OSBPL10: variants seen among roughly 807,000 people sequenced by gnomAD.
The protein encoded by OSBPL10 is oxysterol binding protein like 10.
A neutral mutation model predicts 81.7 loss-of-function variants in OSBPL10; 49 were observed. That is an observed-to-expected ratio of 0.60 (90% CI 0.48 to 0.76). The LOEUF is 0.76. Among genes scored for constraint, OSBPL10 ranks in the 30% least tolerant of loss-of-function variants. The pLI is 0.00. For missense variants in OSBPL10, 923 were observed against 987.8 expected, an observed-to-expected ratio of 0.93 and a Z score of 0.88; for synonymous variants, 419 against 383.6, an observed-to-expected ratio of 1.09 and a Z score of -1.08.
chr3:31,781,614 T>C (rs1422836997), intron 4 of OSBPL10, among the ~76,000 whole-genome samples: 1 of 152,196 alleles, frequency 6.6e-6, no homozygotes, highest in African/African-American at 2.4e-5. Flanking sequence ...AGTTTCAGGA[T>C]ACAAAATCAA....
At chr3:32,012,203 G>GT (rs1187150956) in intron 2 of OSBPL10, among the ~76,000 whole-genome samples, 1 of 152,120 alleles carries the variant, frequency 6.6e-6, no homozygotes, top group African/African-American at 2.4e-5. Flanking sequence ...GAAAGGTCGG[G>GT]TTACCACAAA....
At chr3:31,846,651 TAAATAA>T (rs1371671265) in intron 3 of OSBPL10, among the ~76,000 whole-genome samples, 11 of 151,594 alleles carry the variant, frequency 7.3e-5, no homozygotes, top group Non-Finnish European at 1.5e-4. Flanking sequence ...AATAAATAAA[TAAATAA>T]ATAAATAAAT....
intron 6 of OSBPL10, among the ~76,000 whole-genome samples, chr3:31,715,783 G>C (rs1326316083): frequency 6.6e-6 from 1 of 152,176 alleles, no homozygotes; most frequent in Admixed American, 6.5e-5. Flanking sequence ...ATCCACAGTT[G>C]AAATCATTAT....
chr3:31,982,148 C>A (rs1249113809), upstream of OSBPL10, among the ~76,000 whole-genome samples: 1 of 152,146 alleles, frequency 6.6e-6, no homozygotes, highest in African/African-American at 2.4e-5. Context: ...GCTCTGAAAC[C>A]GGGAAAACTG....
At chr3:31,863,053 C>A (rs1300573655) in intron 3 of OSBPL10, among the ~76,000 whole-genome samples, 1 of 152,102 alleles carries the variant, frequency 6.6e-6, no homozygotes, top group Non-Finnish European at 1.5e-5. Context: ...AAAATTATGC[C>A]ATGTCCATAC....
intron 4 of OSBPL10, among the ~76,000 whole-genome samples, chr3:31,815,751 AT>A: frequency 6.6e-6 from 1 of 152,314 alleles, no homozygotes; most frequent in Non-Finnish European, 1.5e-5. Flanking sequence ...AAAACCAAGA[AT>A]AAGATCACAA....
intron 2 of OSBPL10, among the ~76,000 whole-genome samples, chr3:32,034,142 G>A (rs531354401): frequency 2.4e-4 from 36 of 152,178 alleles, no homozygotes; most frequent in Admixed American, 6.5e-4. Flanking sequence ...AACGGCATAG[G>A]GGAAACTGCC....
chr3:31,790,048 T>C (rs1049058681), intron 4 of OSBPL10, among the ~76,000 whole-genome samples: 1 of 152,176 alleles, frequency 6.6e-6, no homozygotes, highest in Non-Finnish European at 1.5e-5. Flanking sequence ...TCCCACCATA[T>C]GAATATTCCT....
At chr3:31,749,879 C>T (rs1697657769) in intron 4 of OSBPL10, among the ~76,000 whole-genome samples, 1 of 151,862 alleles carries the variant, frequency 6.6e-6, no homozygotes, top group African/African-American at 2.4e-5. Context: ...CAAACCACTT[C>T]ATTTAAAATT....
chr3:31,775,498 G>A (rs1698524877), intron 4 of OSBPL10, among the ~76,000 whole-genome samples: 2 of 96,284 alleles, frequency 2.1e-5, no homozygotes, highest in East Asian at 5.3e-4. Context: ...TGAAGGAGTT[G>A]AAATTTTTAG....
At chr3:31,707,238 G>A (rs1447481746) in intron 6 of OSBPL10, 1 of 152,220 alleles carries the variant, frequency 6.6e-6, no homozygotes, top group East Asian at 1.9e-4. Flanking sequence ...GCAGGGGCAA[G>A]AGGGTCTACT....
At chr3:31,951,644 CTATT>C (rs1437775617) in intron 1 of OSBPL10, among the ~76,000 whole-genome samples, 2 of 150,638 alleles carry the variant, frequency 1.3e-5, no homozygotes, top group Non-Finnish European at 3.0e-5. Flanking sequence ...TAGAAAAAAG[CTATT>C]TAGATCATTT....
intron 1 of OSBPL10, among the ~76,000 whole-genome samples, chr3:31,922,140 A>C (rs4428223): frequency 0.36 from 55,021 of 152,000 alleles, 11,766 homozygotes; most frequent in Non-Finnish European, 0.49. Context: ...AAGGGATCCT[A>C]GAACAGAAAA....
chr3:31,991,162 T>A, intron 2 of OSBPL10: 2 of 684,682 alleles, frequency 2.9e-6, no homozygotes, highest in South Asian at 4.1e-5. Context: ...TTAAGAGGAT[T>A]GGGCTGGGCA....
chr3:31,673,748 T>G (rs1700383758), intron 8 of OSBPL10, among the ~76,000 whole-genome samples: 1 of 152,154 alleles, frequency 6.6e-6, no homozygotes, highest in Non-Finnish European at 1.5e-5. Flanking sequence ...CTTTTCTGAA[T>G]CTAGTGATAT....
rs114767822 is a variant in OSBPL10, at chr3:31,899,373, A to G, written c.282-19543T>C. Among the ~76,000 whole-genome samples, 1,326 of 152,084 alleles carry G rather than the reference A, an allele frequency of 8.7e-3. 11 individuals are homozygous for G. The highest frequency in any genetic ancestry group is 0.024 in the Middle Eastern group (7 of 294). On this transcript the variant is annotated intron_variant, in intron 1 of 11. Coordinates refer to ENST00000396556, the MANE Select transcript of OSBPL10 (RefSeq NM_017784.5). ...AAACAAAAGAATAAAAATGCAATAT[A>G]TCCTCCAAAAATACAAGATGGGGTG...
intron 3 of OSBPL10, among the ~76,000 whole-genome samples, chr3:31,865,123 T>C (rs1559497250): frequency 6.6e-6 from 1 of 152,188 alleles, no homozygotes; most frequent in Non-Finnish European, 1.5e-5. Context: ...TAAACCTCTG[T>C]AGATTAAAAG....
At chr3:31,854,490 T>C (rs1700856553) in intron 3 of OSBPL10, among the ~76,000 whole-genome samples, 2 of 152,210 alleles carry the variant, frequency 1.3e-5, no homozygotes. Flanking sequence ...AAATGATTAA[T>C]AGGTAACTTC....
intron 4 of OSBPL10, among the ~76,000 whole-genome samples, chr3:31,815,874 G>A (rs943823341): frequency 1.5e-4 from 23 of 152,094 alleles, no homozygotes; most frequent in Admixed American, 2.6e-4. Context: ...TCGAGCCTTA[G>A]GGCACTTGTC....
Sources: allele counts gnomAD v4.1 joint callset (sites outside exome capture counted in the v4.1 genomes callset), GRCh38; gene constraint gnomAD v4.1.1; transcripts MANE v1.5; gene names NCBI Gene and HGNC (gene_info 2026-07-23, HGNC 2026-07-21).